Variants in FGF13 observed in about 807,000 individuals in gnomAD.
The protein encoded by FGF13 is fibroblast growth factor homologous factor 2.
In FGF13, 2 loss-of-function variants were observed where a neutral mutation model predicts 19.5. The ratio of observed to expected loss-of-function variants is 0.10; its 90% confidence interval spans 0.04 to 0.32. The LOEUF (loss-of-function observed/expected upper bound fraction) is 0.32, where lower values mean the gene tolerates loss of function less well. FGF13 is among the 10% of genes least tolerant of loss of function. The pLI, the probability that FGF13 is intolerant of heterozygous loss-of-function variation, is 1.00. For synonymous variants in FGF13, 72 were observed against 76.9 expected (o/e 0.94, Z 0.33); for missense variants, 113 against 192.7 (o/e 0.59, Z 2.45).
Position 139,013,274 on chromosome X carries a change from A to G in FGF13, c.-112-148624T>C, listed in dbSNP as rs945220564. 2.8e-5 allele frequency among the ~76,000 whole-genome samples: 3 copies of G among 108,984 alleles called. No individual in the cohort carries two copies. In the East Asian group the frequency reaches 8.7e-4, roughly 31 times the overall value. 94.6% of individuals were successfully genotyped at this position (108,984 alleles called of 115,157 possible). On this transcript the variant is annotated intron_variant, in intron 1 of 2. Coordinates refer to the FGF13 transcript ENST00000421460. ...GTAAACTAGTACAACCACTATGGAA[A>G]ACAGTGTGAAAATTCCTTAAAGAAC...
chrX:139,153,539 T>C (rs913438743), intron 1 of FGF13, among the ~76,000 whole-genome samples: 3 of 110,860 alleles, frequency 2.7e-5, no homozygotes, highest in East Asian at 2.9e-4. Flanking sequence ...TTTTAATCCA[T>C]ATAAATCAAC....
Position 139,106,140 on chromosome X carries a change from G to A in FGF13, c.-113+97276C>T, listed in dbSNP as rs760955626. ...CTTCTAATGCAAAAATCTCTGAGTAGCCATCCTAAAATGAGTCCCTCCCAT... is the reference window on the plus strand; with the variant it reads ...CTTCTAATGCAAAAATCTCTGAGTAACCATCCTAAAATGAGTCCCTCCCAT... On this transcript the variant is annotated intron_variant, in intron 1 of 2. Coordinates refer to the FGF13 transcript ENST00000421460. Among the ~76,000 whole-genome samples, 175 of 112,011 alleles carry A rather than the reference G, an allele frequency of 1.6e-3. 1 individual carries two copies. Among genetic ancestry groups the A allele is most frequent in the Non-Finnish European group, 2.7e-3 (144 of 53,169 alleles).
At chrX:138,999,768 C>A (rs1247529228) in intron 1 of FGF13, among the ~76,000 whole-genome samples, 1 of 112,011 alleles carries the variant, frequency 8.9e-6, no homozygotes, top group Admixed American at 9.4e-5. Context: ...GAAAGAGGAG[C>A]TGGTACCATT....
At chrX:138,677,619 C>A (rs1399653730) in intron 3 of FGF13, among the ~76,000 whole-genome samples, 2 of 111,142 alleles carry the variant, frequency 1.8e-5, no homozygotes, top group Non-Finnish European at 3.8e-5. Context: ...CAAATCAAAA[C>A]CACAATGAGA....
rs759832976 is a variant in FGF13 at position 138,624,040 on chromosome X, C to G, written c.*8810G>C. On this transcript the variant is annotated 3_prime_UTR_variant, in exon 5 of 5. Coordinates refer to ENST00000315930, the MANE Select transcript of FGF13 (RefSeq NM_004114.5). ...AAGTGATCTACAGAGTCAATGCAAG[C>G]ACTATCAAAATCTTAATATAATTTT... 1.8e-5 allele frequency: 2 copies of G among 111,440 alleles called. No individual in the cohort carries two copies. Among genetic ancestry groups the G allele is most frequent in the Non-Finnish European group, 3.8e-5 (2 of 53,060 alleles). The allele number at this position is 111,440 out of a possible 1,213,427, so 9.2% of individuals were successfully genotyped here. A position where few individuals can be genotyped will look rare whatever the true frequency, so the allele number is the denominator to read the frequency against.
At chrX:138,651,117 TAA>T (rs2089367166) in intron 3 of FGF13, among the ~76,000 whole-genome samples, 1 of 112,219 alleles carries the variant, frequency 8.9e-6, no homozygotes, top group African/African-American at 3.2e-5. Flanking sequence ...AGACTCTGAG[TAA>T]ACACTAACAG....
At chrX:139,178,003 C>T (rs1044166335) in intron 1 of FGF13, among the ~76,000 whole-genome samples, 1 of 112,044 alleles carries the variant, frequency 8.9e-6, no homozygotes, top group Non-Finnish European at 1.9e-5. Context: ...GGTGAGGTGA[C>T]GTCCCACCCT....
At chrX:138,862,350 A>G (rs1460296088) in intron 2 of FGF13, among the ~76,000 whole-genome samples, 1 of 112,308 alleles carries the variant, frequency 8.9e-6, no homozygotes, top group Non-Finnish European at 1.9e-5. Context: ...CATGATTTTA[A>G]ATCAAAGCAA....
At chrX:139,013,457 C>A (rs1008016127) in intron 1 of FGF13, among the ~76,000 whole-genome samples, 2 of 88,757 alleles carry the variant, frequency 2.3e-5, no homozygotes, top group Non-Finnish European at 4.2e-5. Flanking sequence ...GCTCATCAAT[C>A]AATGAATGGA....
At chrX:138,860,926 AG>A (rs1384028388) in intron 2 of FGF13, among the ~76,000 whole-genome samples, 1 of 112,487 alleles carries the variant, frequency 8.9e-6, no homozygotes, top group African/African-American at 3.2e-5. Flanking sequence ...GGAGTAGTGC[AG>A]AGTAGGAGGA....
At chrX:138,752,898 T>G (rs961635254) in intron 3 of FGF13, among the ~76,000 whole-genome samples, 1 of 112,382 alleles carries the variant, frequency 8.9e-6, no homozygotes, top group Non-Finnish European at 1.9e-5. Context: ...CAAAGGTATC[T>G]ATGTTTGAAT....
At chrX:138,664,521 A>C (rs1167448675) in intron 3 of FGF13, among the ~76,000 whole-genome samples, 1 of 109,459 alleles carries the variant, frequency 9.1e-6, no homozygotes, top group Non-Finnish European at 1.9e-5. Flanking sequence ...AAGAAAGATC[A>C]TTTGCTCATT....
At chrX:138,861,256 C>T (rs1184737753) in intron 2 of FGF13, among the ~76,000 whole-genome samples, 8 of 111,739 alleles carry the variant, frequency 7.2e-5, no homozygotes, top group Non-Finnish European at 1.3e-4. Flanking sequence ...CCTGGCCTAA[C>T]GTACTCATGT....
At chrX:138,781,017 C>G (rs1278898647) in intron 3 of FGF13, among the ~76,000 whole-genome samples, 1 of 111,372 alleles carries the variant, frequency 9.0e-6, no homozygotes, top group African/African-American at 3.3e-5. Context: ...TAATCGCACT[C>G]AAAACCGCTC....
chrX:138,633,077 C>T (rs1272355221), intron 4 of FGF13, 91 bp from the exon 5 acceptor site: 3 of 948,395 alleles, frequency 3.2e-6, no homozygotes, highest in East Asian at 6.4e-5. Flanking sequence ...TGTTCTATTC[C>T]ACACACCTAA....
intron 3 of FGF13, among the ~76,000 whole-genome samples, chrX:138,805,523 G>T (rs1453744641): frequency 2.7e-5 from 3 of 111,325 alleles, no homozygotes; most frequent in Non-Finnish European, 5.6e-5. Flanking sequence ...AGTCAAGGGT[G>T]AGAGTGGGGG....
chrX:139,019,488 G>T (rs1485244107), intron 1 of FGF13, among the ~76,000 whole-genome samples: 3 of 110,971 alleles, frequency 2.7e-5, no homozygotes, highest in Non-Finnish European at 5.7e-5. Context: ...CATTCTGAAG[G>T]TCTCCAGAGT....
chrX:138,822,377 C>A (rs1456953719), intron 3 of FGF13, among the ~76,000 whole-genome samples: 2 of 111,898 alleles, frequency 1.8e-5, no homozygotes, highest in Non-Finnish European at 3.8e-5. Context: ...CAAAAGCTAC[C>A]TGGGTTCACT....
chrX:139,013,479 TTATATATATATA>T lies in FGF13; in HGVS notation c.-112-148841_-112-148830del, dbSNP rs202184653. ...AATCAATGAATGGATAAAGAAAATT[TTATATATATATA>T]TATATATATATATATATATATATAT... On this transcript the variant is annotated intron_variant, in intron 1 of 2. Transcript: ENST00000421460. Among the ~76,000 whole-genome samples, 364 of 71,027 alleles carry T rather than the reference TTATATATATATA, an allele frequency of 5.1e-3. 3 individuals carry two copies. The highest frequency in any genetic ancestry group is 9.5e-3 in the African/African-American group (157 of 16,513). The allele number at this position is 71,027 out of a possible 115,157, so 61.7% of individuals were successfully genotyped here. A position where few individuals can be genotyped will look rare whatever the true frequency, so the allele number is the denominator to read the frequency against.
Sources: gnomAD v4.1 joint callset for allele counts (sites outside exome capture counted in the v4.1 genomes callset) on GRCh38, gnomAD v4.1.1 for gene constraint, MANE v1.5 for transcripts, NCBI Gene and HGNC (gene_info 2026-07-23, HGNC 2026-07-21) for gene names.